DISC1: variants seen among roughly 807,000 people sequenced by gnomAD.
The protein encoded by DISC1 is disrupted in schizophrenia 1 protein.
Under a neutral mutation model 84.5 loss-of-function variants are expected in DISC1, and 57 were observed. The observed-to-expected ratio is 0.67, with a 90% CI of 0.55 to 0.84. The LOEUF (loss-of-function observed/expected upper bound fraction) is 0.84, where lower values mean the gene tolerates loss of function less well. Ranked by LOEUF, DISC1 falls within the 40% of genes least tolerant of loss-of-function variation. The pLI is 0.00. For synonymous variants in DISC1, 411 were observed against 415.2 expected (o/e 0.99, Z 0.12); for missense variants, 1,000 against 1,057.8 (o/e 0.95, Z 0.76).
intron 8 of DISC1, among the ~76,000 whole-genome samples, chr1:231,812,754 C>T (rs1282528348): frequency 6.6e-6 from 1 of 152,018 alleles, no homozygotes; most frequent in Admixed American, 6.6e-5. Flanking sequence ...TCTGATGGGA[C>T]TTTCTTCAGG....
At chr1:231,875,745 T>C (rs1340874577) in intron 9 of DISC1, among the ~76,000 whole-genome samples, 2 of 152,182 alleles carry the variant, frequency 1.3e-5, no homozygotes, top group Non-Finnish European at 2.9e-5. Context: ...GTGGCTTGGC[T>C]TTGCTCTTCT....
At chr1:231,634,817 G>A (rs1239873980) in intron 1 of DISC1, among the ~76,000 whole-genome samples, 2 of 152,172 alleles carry the variant, frequency 1.3e-5, no homozygotes, top group Admixed American at 6.5e-5. Flanking sequence ...AGGCTGGGGC[G>A]GGAGGATTGC....
At chr1:231,849,465 A>T (rs2083715492) in intron 9 of DISC1, among the ~76,000 whole-genome samples, 1 of 152,152 alleles carries the variant, frequency 6.6e-6, no homozygotes, top group South Asian at 2.1e-4. Context: ...GAGAGGTTAG[A>T]CAACATGCCC....
chr1:231,651,693 G>A (rs954056915), intron 1 of DISC1, among the ~76,000 whole-genome samples: 2 of 152,260 alleles, frequency 1.3e-5, no homozygotes, highest in African/African-American at 4.8e-5. Context: ...TGCCCCTAGA[G>A]CTGGGGTCTA....
intron 9 of DISC1, among the ~76,000 whole-genome samples, chr1:231,923,306 C>CAAAAAAAAAAAAAAAAAAAAA (rs1558738260): frequency 9.1e-6 from 1 of 109,400 alleles, no homozygotes; most frequent in Non-Finnish European, 2.1e-5. Flanking sequence ...ACAAAAAAAA[C>CAAAAAAAAAAAAAAAAAAAAA]CAAAAAAAAA....
chr1:231,737,669 G>T (rs2072691579), intron 3 of DISC1, among the ~76,000 whole-genome samples: 1 of 151,978 alleles, frequency 6.6e-6, no homozygotes. Context: ...GTAGTGCTGG[G>T]GATATGTATT....
intron 8 of DISC1, among the ~76,000 whole-genome samples, chr1:231,817,559 C>T (rs2759342): frequency 6.6e-6 from 1 of 152,102 alleles, no homozygotes; most frequent in Admixed American, 6.5e-5. Context: ...TTTAATTTGT[C>T]TCAGCAGTTT....
chr1:231,787,080 G>A (rs1295175037), intron 6 of DISC1, among the ~76,000 whole-genome samples: 1 of 152,160 alleles, frequency 6.6e-6, no homozygotes, highest in Non-Finnish European at 1.5e-5. Context: ...TACTAAGAGA[G>A]GGTGTGGATT....
At chr1:231,674,443 A>G (rs1430921006) in intron 1 of DISC1, among the ~76,000 whole-genome samples, 4 of 152,266 alleles carry the variant, frequency 2.6e-5, no homozygotes, top group Non-Finnish European at 5.9e-5. Context: ...AGAAAGTAGC[A>G]TTAGTAAAAC....
At position 231,897,614 on chromosome 1, in the gene DISC1, C is replaced by T. The variant is rs535820999; in HGVS notation, c.1982-61214C>T. On this transcript the variant is annotated intron_variant, in intron 9 of 12. Coordinates refer to ENST00000439617, the MANE Select transcript of DISC1 (RefSeq NM_018662.3). This position sits in a 1 kb window ranked among gnomAD's most constrained non-coding sequence, Gnocchi z 4.5. ...CAGCCATTTATTGTAGAGTCTGTTG[C>T]TTTGGGCTGCTGTCAGTGCTCTGAC... Among the ~76,000 whole-genome samples the T allele has an allele frequency of 6.6e-6, 1 of 152,040 alleles. No homozygotes were observed. Among genetic ancestry groups the T allele is most frequent in the Admixed American group, 6.5e-5 (1 of 15,290 alleles).
chr1:231,750,545 A>G, intron 4 of DISC1: 3 of 989,318 alleles, frequency 3.0e-6, no homozygotes, highest in Non-Finnish European at 3.6e-6. Context: ...TTCTGAGATT[A>G]GTAATATATA....
At chr1:231,946,275 G>A (rs1657178125) in intron 9 of DISC1, among the ~76,000 whole-genome samples, 1 of 152,172 alleles carries the variant, frequency 6.6e-6, no homozygotes, top group East Asian at 1.9e-4. Context: ...AATCAAGTCA[G>A]CTTCATCCCT....
intron 8 of DISC1, among the ~76,000 whole-genome samples, chr1:231,805,913 G>A (rs2079673036): frequency 6.6e-6 from 1 of 152,194 alleles, no homozygotes. Flanking sequence ...AGTTAGTAGA[G>A]AGAAACTTGG....
At chr1:231,930,752 C>T (rs113064982) in intron 9 of DISC1, among the ~76,000 whole-genome samples, 60 of 152,198 alleles carry the variant, frequency 3.9e-4, no homozygotes, top group African/African-American at 1.4e-3. Flanking sequence ...TGGGTGCAAA[C>T]TCAATGCTAT....
chr1:232,015,608 C>G (rs1668420588), intron 11 of DISC1, among the ~76,000 whole-genome samples: 1 of 152,150 alleles, frequency 6.6e-6, no homozygotes, highest in Non-Finnish European at 1.5e-5. Context: ...CAGTTAAAGT[C>G]AAGAGCTTCC....
intron 3 of DISC1, among the ~76,000 whole-genome samples, chr1:231,712,169 G>T (rs2067956960): frequency 6.6e-6 from 1 of 152,288 alleles, no homozygotes; most frequent in Non-Finnish European, 1.5e-5. Flanking sequence ...TTTTCCCCAA[G>T]AATGTTGGGA....
At chr1:231,792,579 C>CT (rs2078431988) in intron 6 of DISC1, among the ~76,000 whole-genome samples, 1 of 152,186 alleles carries the variant, frequency 6.6e-6, no homozygotes, top group South Asian at 2.1e-4. Context: ...TGAATGGACT[C>CT]TAACGAGCCC....
intron 9 of DISC1, among the ~76,000 whole-genome samples, chr1:231,926,309 T>C (rs1381393603): frequency 1.3e-5 from 2 of 152,070 alleles, no homozygotes. Context: ...CAAAACCCTA[T>C]CAAAAGTGGG....
intron 11 of DISC1, among the ~76,000 whole-genome samples, chr1:232,021,051 A>G (rs561808503): frequency 8.2e-4 from 125 of 152,326 alleles, no homozygotes; most frequent in African/African-American, 2.6e-3. Context: ...CCAGGAGGAC[A>G]TGATCATTTA....
Sources: allele counts gnomAD v4.1 joint callset (sites outside exome capture counted in the v4.1 genomes callset), GRCh38; gene constraint gnomAD v4.1.1; non-coding constraint Gnocchi (gnomAD v3.1); transcripts MANE v1.5; gene names NCBI Gene and HGNC (gene_info 2026-07-23, HGNC 2026-07-21).